NTRK2: variants seen among roughly 807,000 people sequenced by gnomAD.
The protein encoded by NTRK2 is BDNF/NT-3 growth factors receptor.
Under a neutral mutation model 94.5 loss-of-function variants are expected in NTRK2, and 13 were observed. The observed-to-expected ratio is 0.14, with a 90% CI of 0.09 to 0.22. NTRK2 has a LOEUF of 0.22. Ranked by LOEUF, NTRK2 falls within the 10% of genes least tolerant of loss-of-function variation. NTRK2 has a pLI of 1.00. For missense variants in NTRK2, 639 were observed against 1,071.2 expected (o/e 0.60, Z 5.63); for synonymous variants, 372 against 407.4 (o/e 0.91, Z 1.05).
intron 17 of NTRK2, among the ~76,000 whole-genome samples, chr9:84,988,794 C>T (rs1205561092): frequency 6.6e-5 from 10 of 152,352 alleles, no homozygotes; most frequent in East Asian, 3.9e-4. Flanking sequence ...AGTCAGCCAG[C>T]GCTGCTGGGC....
chr9:84,839,897 C>T (rs995940268), intron 12 of NTRK2, among the ~76,000 whole-genome samples: 2 of 152,176 alleles, frequency 1.3e-5, no homozygotes, highest in East Asian at 1.9e-4. Flanking sequence ...TCTGAAACTA[C>T]AGGGCTTTGG....
chr9:84,790,138 G>T (rs1227560626), intron 12 of NTRK2, among the ~76,000 whole-genome samples: 1 of 152,158 alleles, frequency 6.6e-6, no homozygotes, highest in Non-Finnish European at 1.5e-5. Context: ...CTATATGCCA[G>T]TACTCTCTCA....
At chr9:85,010,407 G>A (rs1479446746) in intron 17 of NTRK2, among the ~76,000 whole-genome samples, 1 of 152,176 alleles carries the variant, frequency 6.6e-6, no homozygotes, top group African/African-American at 2.4e-5. Context: ...CTAAATGTTA[G>A]ATGGTCTCTT....
chr9:84,741,962 T>C, intron 10 of NTRK2, 35 bp downstream of exon 10: 1 of 1,557,718 alleles, frequency 6.4e-7, no homozygotes. Context: ...TATTTCTTTT[T>C]CAAAATGTTT....
chr9:84,782,276 T>C (rs1460817942), intron 12 of NTRK2, among the ~76,000 whole-genome samples: 1 of 152,230 alleles, frequency 6.6e-6, no homozygotes, highest in Non-Finnish European at 1.5e-5. Context: ...AAATTTCTAA[T>C]CTGAACATAC....
Position 84,811,666 on chromosome 9 carries a change from G to T in NTRK2, c.1397-49374G>T, listed in dbSNP as rs149918354. The T allele has an allele frequency of 5.2e-5, 55 of 1,065,416 alleles. No individual in the cohort carries two copies. In the African/African-American group the frequency reaches 8.5e-4, roughly 16 times the overall value. 66.0% of individuals were successfully genotyped at this position (1,065,416 alleles called of 1,614,324 possible). On this transcript the variant is annotated intron_variant, in intron 12 of 18. Coordinates refer to ENST00000277120, the MANE Select transcript of NTRK2 (RefSeq NM_006180.6). ...ACTGTCATACTGCTGGGTTTTCATG[G>T]GTAGGAAAGCTTGTCCTGACCCCAG... is the stretch of plus-strand genomic sequence containing the variant.
intron 17 of NTRK2, among the ~76,000 whole-genome samples, chr9:84,997,732 C>T (rs1829913626): frequency 6.6e-6 from 1 of 152,162 alleles, no homozygotes; most frequent in Non-Finnish European, 1.5e-5. Flanking sequence ...AGGAAGTGGG[C>T]TAAGCTGCAG....
intron 14 of NTRK2, among the ~76,000 whole-genome samples, chr9:84,901,546 G>A (rs545332998): frequency 1.8e-4 from 27 of 152,118 alleles, no homozygotes; most frequent in Non-Finnish European, 3.1e-4. Flanking sequence ...TTTTTAAGAC[G>A]TAAACAGTGC....
chr9:84,743,380 G>A (rs991458593), intron 10 of NTRK2, among the ~76,000 whole-genome samples: 9 of 151,848 alleles, frequency 5.9e-5, no homozygotes, highest in South Asian at 2.1e-4. Context: ...TATAAAATGA[G>A]CCTGTCTGTA....
intron 15 of NTRK2, among the ~76,000 whole-genome samples, chr9:84,945,737 T>A (rs1221700000): frequency 6.6e-6 from 1 of 152,162 alleles, no homozygotes; most frequent in African/African-American, 2.4e-5. Context: ...ATTTTGTTAT[T>A]TAATGAAGGA....
intron 17 of NTRK2, among the ~76,000 whole-genome samples, chr9:84,964,448 T>C (rs951436580): frequency 6.6e-6 from 1 of 152,194 alleles, no homozygotes; most frequent in Admixed American, 6.5e-5. Flanking sequence ...CTCAGATCTT[T>C]TGGGAAGTTT....
chr9:84,711,860 A>T (rs2061436683), intron 6 of NTRK2, among the ~76,000 whole-genome samples: 1 of 152,180 alleles, frequency 6.6e-6, no homozygotes, highest in Admixed American at 6.5e-5. Context: ...TCACAAATAG[A>T]GTCCTTTGGT....
intron 17 of NTRK2, among the ~76,000 whole-genome samples, chr9:84,990,233 A>G (rs1460379418): frequency 6.6e-6 from 1 of 152,200 alleles, no homozygotes; most frequent in African/African-American, 2.4e-5. Flanking sequence ...TATTTGTTGA[A>G]ATGAAATGAA....
At chr9:84,834,578 C>T (rs1160459310) in intron 12 of NTRK2, among the ~76,000 whole-genome samples, 1 of 152,268 alleles carries the variant, frequency 6.6e-6, no homozygotes, top group Non-Finnish European at 1.5e-5. Flanking sequence ...GTTCTAGTCA[C>T]TTTCCATTTC....
At chr9:84,691,541 C>G (rs530610138) in intron 2 of NTRK2, among the ~76,000 whole-genome samples, 2 of 152,236 alleles carry the variant, frequency 1.3e-5, no homozygotes, top group South Asian at 4.2e-4. Context: ...GATCTGTTCT[C>G]TTTGAAAACC....
intron 17 of NTRK2, among the ~76,000 whole-genome samples, chr9:84,987,696 G>A (rs891300309): frequency 7.2e-5 from 11 of 152,116 alleles, no homozygotes; most frequent in African/African-American, 2.2e-4. Context: ...TCTTTAAATA[G>A]TATTTTCTTG....
intron 17 of NTRK2, among the ~76,000 whole-genome samples, chr9:85,002,951 C>T (rs2133422905): frequency 6.6e-6 from 1 of 152,256 alleles, no homozygotes; most frequent in East Asian, 1.9e-4. Context: ...TGAGGGGCTC[C>T]AGTAGGTGGC....
chr9:84,834,177 A>C (rs1338911497), intron 12 of NTRK2, among the ~76,000 whole-genome samples: 1 of 152,258 alleles, frequency 6.6e-6, no homozygotes, highest in Admixed American at 6.5e-5. Flanking sequence ...TTTAGCAAAT[A>C]AATACAGGAT....
intron 17 of NTRK2, among the ~76,000 whole-genome samples, chr9:85,010,721 A>G (rs1447968223): frequency 6.6e-6 from 1 of 152,226 alleles, no homozygotes; most frequent in Non-Finnish European, 1.5e-5. Flanking sequence ...TACAATGAAG[A>G]ATCATTGTTT....
Sources: allele counts gnomAD v4.1 joint callset (sites outside exome capture counted in the v4.1 genomes callset), GRCh38; gene constraint gnomAD v4.1.1; transcripts MANE v1.5; gene names NCBI Gene and HGNC (gene_info 2026-07-23, HGNC 2026-07-21).